SPAG16: variants seen among roughly 807,000 people sequenced by gnomAD.
SPAG16 encodes sperm-associated antigen 16 protein.
SPAG16 carries 86 observed loss-of-function variants against 80.4 expected under a neutral mutation model. The ratio of observed to expected loss-of-function variants is 1.07; its 90% CI spans 0.90 to 1.28. The LOEUF is 1.28. Among genes scored for constraint, SPAG16 ranks in the 50% most tolerant of loss-of-function variants. The probability of loss-of-function intolerance (pLI) is 0.00; values close to 1 mark genes in which losing one functional copy is unlikely to be tolerated. For synonymous variants in SPAG16, 294 were observed against 265.9 expected (o/e 1.11, Z -1.03); for missense variants, 870 against 765.3 (o/e 1.14, Z -1.61).
chr2:213,465,092 A>C (rs1203175288), intron 9 of SPAG16, among the ~76,000 whole-genome samples: 1 of 152,116 alleles, frequency 6.6e-6, no homozygotes, highest in Non-Finnish European at 1.5e-5. Context: ...ACAATGTATT[A>C]TGCCACTTCC....
At chr2:213,756,096 C>T (rs2068315187) in intron 10 of SPAG16, among the ~76,000 whole-genome samples, 1 of 152,064 alleles carries the variant, frequency 6.6e-6, no homozygotes, top group Admixed American at 6.6e-5. Context: ...TCAGAGTGAA[C>T]ATAACAAATC....
At chr2:214,399,258 C>A (rs996597513) in intron 15 of SPAG16, among the ~76,000 whole-genome samples, 13 of 152,104 alleles carry the variant, frequency 8.5e-5, no homozygotes. Flanking sequence ...TGCAGCCATT[C>A]TTTTGCTCTT....
At chr2:214,149,355 A>T in intron 15 of SPAG16, 89 bp downstream of exon 15, 1 of 1,226,264 alleles carries the variant, frequency 8.2e-7, no homozygotes, top group Non-Finnish European at 1.1e-6. Flanking sequence ...AAATGTATGT[A>T]TTTCTACGTA....
intron 13 of SPAG16, among the ~76,000 whole-genome samples, chr2:214,041,846 T>C (rs2049023374): frequency 6.6e-6 from 1 of 150,672 alleles, no homozygotes; most frequent in South Asian, 2.1e-4. Context: ...CAATAACACC[T>C]TGTGGGAGGT....
intron 9 of SPAG16, among the ~76,000 whole-genome samples, chr2:213,426,754 G>GGTGTGTGTGT (rs148203065): frequency 5.0e-5 from 7 of 140,544 alleles, no homozygotes; most frequent in Non-Finnish European, 7.8e-5. Flanking sequence ...GCATAAATCT[G>GGTGTGTGTGT]GTGTGTGTGT....
At chr2:214,184,192 GTTTC>G (rs1231036564) in intron 15 of SPAG16, among the ~76,000 whole-genome samples, 1 of 151,808 alleles carries the variant, frequency 6.6e-6, no homozygotes, top group Non-Finnish European at 1.5e-5. Flanking sequence ...TGCATTTCTT[GTTTC>G]TTTTGTTTGT....
At chr2:214,275,349 TG>T (rs535098960) in intron 15 of SPAG16, among the ~76,000 whole-genome samples, 187 of 152,314 alleles carry the variant, frequency 1.2e-3, no homozygotes, top group African/African-American at 4.2e-3. Context: ...CTTTTGAATT[TG>T]TTTGGCCTTG....
chr2:214,307,872 G>A (rs1576739690), intron 15 of SPAG16, among the ~76,000 whole-genome samples: 1 of 152,160 alleles, frequency 6.6e-6, no homozygotes, highest in Non-Finnish European at 1.5e-5. Flanking sequence ...TGTTGTTTCT[G>A]TGTGGAGAGT....
chr2:214,163,225 T>A (rs1280502044), intron 15 of SPAG16, among the ~76,000 whole-genome samples: 3 of 152,086 alleles, frequency 2.0e-5, no homozygotes, highest in Non-Finnish European at 4.4e-5. Flanking sequence ...TAACATCTCT[T>A]TCATGTGATT....
At chr2:213,738,788 T>G (rs373446995) in intron 10 of SPAG16, among the ~76,000 whole-genome samples, 1 of 152,196 alleles carries the variant, frequency 6.6e-6, no homozygotes, top group African/African-American at 2.4e-5. Flanking sequence ...AGGATTGCAC[T>G]TTTTAGGGGC....
At chr2:214,172,784 A>G (rs1396137030) in intron 15 of SPAG16, among the ~76,000 whole-genome samples, 1 of 151,962 alleles carries the variant, frequency 6.6e-6, no homozygotes, top group Non-Finnish European at 1.5e-5. Flanking sequence ...CTTTTTAATG[A>G]TCACCATTCT....
At chr2:213,601,341 T>C (rs2061053535) in intron 10 of SPAG16, among the ~76,000 whole-genome samples, 1 of 152,184 alleles carries the variant, frequency 6.6e-6, no homozygotes, top group African/African-American at 2.4e-5. Flanking sequence ...TTGAGGCTTC[T>C]TTTTCAGTTC....
chr2:213,927,895 A>T (rs1198215366), intron 11 of SPAG16, among the ~76,000 whole-genome samples: 2 of 152,212 alleles, frequency 1.3e-5, no homozygotes, highest in African/African-American at 4.8e-5. Context: ...AATAATTTTT[A>T]AATTTTTTTA....
Position 213,976,135 on chromosome 2 carries a change from T to TATATATATACAC in SPAG16, c.1401-37815_1401-37814insTATATATACACA, listed in dbSNP as rs749957411. 1.1e-3 allele frequency among the ~76,000 whole-genome samples: 90 copies of TATATATATACAC among 81,404 alleles called. 1 individual carries two copies. Among genetic ancestry groups the TATATATATACAC allele is most frequent in the African/African-American group, 3.1e-3 (82 of 26,436 alleles). The allele number at this position is 81,404 out of a possible 152,430, so 53.4% of individuals were successfully genotyped here. On this transcript the variant is annotated intron_variant, in intron 12 of 15. Transcript: ENST00000331683. ...ATATATATATATATATATATATATA[T>TATATATATACAC]ACACACACACACACACACACGTATG...
At chr2:213,609,149 G>T (rs568613877) in intron 10 of SPAG16, among the ~76,000 whole-genome samples, 1 of 152,178 alleles carries the variant, frequency 6.6e-6, no homozygotes, top group Non-Finnish European at 1.5e-5. Flanking sequence ...TGAAGAGCCT[G>T]AACATTATCC....
intron 14 of SPAG16, among the ~76,000 whole-genome samples, chr2:214,132,661 A>T (rs180715379): frequency 2.6e-5 from 4 of 152,226 alleles, no homozygotes; most frequent in Non-Finnish European, 4.4e-5. Context: ...TATCCCAGTC[A>T]GTGGAAACTA....
intron 13 of SPAG16, among the ~76,000 whole-genome samples, chr2:214,061,400 A>G (rs2050250199): frequency 6.6e-6 from 1 of 152,158 alleles, no homozygotes; most frequent in South Asian, 2.1e-4. Context: ...GAACCAATGG[A>G]ATGTATGCAT....
chr2:213,999,991 G>T (rs1197644522), intron 12 of SPAG16, among the ~76,000 whole-genome samples: 1 of 152,184 alleles, frequency 6.6e-6, no homozygotes, highest in Non-Finnish European at 1.5e-5. Context: ...AGGTGGAAGG[G>T]ATTTGCCTTG....
At chr2:213,296,308 C>T (rs896709670) in intron 2 of SPAG16, among the ~76,000 whole-genome samples, 198 bp downstream of exon 2, 2 of 152,102 alleles carry the variant, frequency 1.3e-5, no homozygotes, top group African/African-American at 4.8e-5. Context: ...TTGGAAAATA[C>T]ATCTGATTCT....
Sources: gnomAD v4.1 joint callset for allele counts (sites outside exome capture counted in the v4.1 genomes callset) on GRCh38, gnomAD v4.1.1 for gene constraint, MANE v1.5 for transcripts, NCBI Gene and HGNC (gene_info 2026-07-23, HGNC 2026-07-21) for gene names.